The following CARTPT variants were observed in gnomAD, a reference collection of about 807,000 sequenced individuals.
CARTPT encodes the protein CART prepropeptide, also known as cocaine- and amphetamine-regulated transcript protein.
In CARTPT, 6 loss-of-function variants were observed where a neutral mutation model predicts 12.2. That is an observed-to-expected ratio of 0.49 (90% confidence interval 0.27 to 0.97). CARTPT has a LOEUF of 0.97. Among genes scored for constraint, CARTPT ranks in the 50% least tolerant of loss-of-function variants. The probability of loss-of-function intolerance (pLI) is 0.12; values close to 1 mark genes in which losing one functional copy is unlikely to be tolerated. For missense variants in CARTPT, 135 were observed against 142.0 expected, an observed-to-expected ratio of 0.95 and a Z score of 0.25; for synonymous variants, 75 against 64.1, an observed-to-expected ratio of 1.17 and a Z score of -0.82.
At chr5:71,719,716 G>C (rs1748667887) in intron 1 of CARTPT, 164 bp from the exon 2 acceptor site, 2 of 787,866 alleles carry the variant, frequency 2.5e-6, no homozygotes, top group Non-Finnish European at 4.3e-6. Context: ...ACCTGGGACA[G>C]CGTCCGCTAA....
chr5:71,719,563 G>T, intron 1 of CARTPT, 111 bp downstream of exon 1: 1 of 1,365,552 alleles, frequency 7.3e-7, no homozygotes, highest in Non-Finnish European at 1.0e-6. Context: ...AGGGCGCGGG[G>T]AGCTGAGCGC....
chr5:71,719,819 G>T (rs1580358666), intron 1 of CARTPT, 61 bp from the exon 2 acceptor site: 1 of 1,497,466 alleles, frequency 6.7e-7, no homozygotes, highest in East Asian at 2.3e-5. Context: ...CTGGAAGTGC[G>T]CACCTGGGCT....
chr5:71,720,468 G>T (rs1200309351), intron 2 of CARTPT, 40 bp from the exon 3 acceptor site: 2 of 1,566,954 alleles, frequency 1.3e-6, no homozygotes, highest in African/African-American at 1.3e-5. Context: ...GGGAACCTGG[G>T]TTTGTTCATA....
intron 1 of CARTPT, 59 bp downstream of exon 1, chr5:71,719,511 C>G: frequency 1.3e-6 from 2 of 1,588,262 alleles, no homozygotes; most frequent in Non-Finnish European, 1.7e-6. Flanking sequence ...TTCTCTTGCA[C>G]GCCTCCCTCC....
At chr5:71,720,440 C>A in intron 2 of CARTPT, 68 bp from the exon 3 acceptor site, 1 of 1,397,298 alleles carries the variant, frequency 7.2e-7, no homozygotes, top group Non-Finnish European at 1.0e-6. Flanking sequence ...ATTGCGTTGA[C>A]TGTGAGACTT....
rs1277852936 is a variant in CARTPT, at chr5:71,719,407, G to A, written c.114G>A (p.Leu38=). Residue 38 remains leucine (L), a synonymous_variant, in exon 1 of 3, where the codon CTG becomes CTA. Coordinates refer to ENST00000296777, the MANE Select transcript of CARTPT (RefSeq NM_004291.4). ...ACGCCGAGCTCCAGCCCCGAGCCCT[G>A]GACATCTACTCTGCCGTGGATGATG... The part of the protein sequence containing the change: ...QEDAELQPRA[L]DIYSAVDDAS... 5.6e-6 allele frequency: 9 copies of A among 1,614,146 alleles called. No homozygotes were observed. In the South Asian group the frequency reaches 8.8e-5, roughly 16 times the overall value.
At chr5:71,720,299 A>G (rs1461750546) in intron 2 of CARTPT, among the ~76,000 whole-genome samples, 1 of 152,164 alleles carries the variant, frequency 6.6e-6, no homozygotes, top group East Asian at 1.9e-4. Context: ...GATAAAACTA[A>G]TAATGTAAGT....
At chr5:71,720,402 G>T in intron 2 of CARTPT, 106 bp from the exon 3 acceptor site, 2 of 915,092 alleles carry the variant, frequency 2.2e-6, no homozygotes, top group Non-Finnish European at 3.5e-6. Flanking sequence ...TGGTGATGGG[G>T]TCCAATTGCC....
In CARTPT at chr5:71,720,036, C is replaced by T. The variant is rs972322934; in HGVS notation, c.243+73C>T. 3 of 1,307,734 alleles carry T rather than the reference C, an allele frequency of 2.3e-6. No individual in the cohort carries two copies. In the East Asian group the frequency reaches 6.9e-5, roughly 30 times the overall value. The allele number at this position is 1,307,734 out of a possible 1,614,324, so 81.0% of individuals were successfully genotyped here. On this transcript the variant is annotated intron_variant, in intron 2 of 2. Transcript: ENST00000296777. ...CACCGCCTTGAATCGTACACACAGT[C>T]TTCTCCGTAGGATGTGGCTAAATAA...
At chr5:71,719,819 G>A in intron 1 of CARTPT, 61 bp from the exon 2 acceptor site, 2 of 1,497,464 alleles carry the variant, frequency 1.3e-6, no homozygotes, top group Non-Finnish European at 1.9e-6. Flanking sequence ...CTGGAAGTGC[G>A]CACCTGGGCT....
At position 71,719,527 on chromosome 5, in the gene CARTPT, C is replaced by A. The variant is rs1008801965; in HGVS notation, c.159+75C>A. Reference sequence around the variant, plus strand: ...TCTCTTGCACGCCTCCCTCCTCCCCCCACCCCCACTCCTATTCCCAGAGTC... The same window carrying A: ...TCTCTTGCACGCCTCCCTCCTCCCCACACCCCCACTCCTATTCCCAGAGTC... On this transcript the variant is annotated intron_variant, in intron 1 of 2. Coordinates refer to ENST00000296777, the MANE Select transcript of CARTPT (RefSeq NM_004291.4). 3.9e-6 allele frequency: 6 copies of A among 1,544,476 alleles called. No individual in the cohort carries two copies. In the African/African-American group the frequency reaches 4.1e-5, roughly 11 times the overall value.
chr5:71,719,835 C>G (rs768574675), intron 1 of CARTPT, 45 bp from the exon 2 acceptor site: 2 of 1,591,028 alleles, frequency 1.3e-6, no homozygotes, highest in Non-Finnish European at 1.7e-6. Flanking sequence ...GGGCTGGGCT[C>G]GCAGCCAAGG....
At position 71,719,560 on chromosome 5, in the gene CARTPT, G is replaced by A. The variant is rs957169758; in HGVS notation, c.159+108G>A. 2.0e-5 allele frequency: 28 copies of A among 1,386,088 alleles called. No homozygotes were observed. In the East Asian group the frequency reaches 3.6e-4, roughly 18 times the overall value. 85.9% of individuals were successfully genotyped at this position (1,386,088 alleles called of 1,614,324 possible). ...ACTCCTATTCCCAGAGTCAGGGCGC[G>A]GGGAGCTGAGCGCAACGCCCAGGCA... On this transcript the variant is annotated intron_variant, in intron 1 of 2. Transcript: ENST00000296777.
chr5:71,720,029 A>G (rs1337449487), intron 2 of CARTPT, 66 bp downstream of exon 2: 2 of 1,357,370 alleles, frequency 1.5e-6, no homozygotes, highest in Non-Finnish European at 2.1e-6. Flanking sequence ...TGAATCGTAC[A>G]CACAGTCTTC....
intron 1 of CARTPT, 25 bp from the exon 2 acceptor site, chr5:71,719,855 C>G: frequency 6.2e-7 from 1 of 1,612,912 alleles, no homozygotes; most frequent in Middle Eastern, 1.7e-4. Flanking sequence ...GCGGCAACTT[C>G]AGGCTCCGAA....
At position 71,720,629 on chromosome 5, in the gene CARTPT, C is replaced by T. The variant is rs372953353; in HGVS notation, c.*14C>T. 2 of 1,572,378 alleles carry T rather than the reference C, an allele frequency of 1.3e-6. No individual in the cohort carries two copies. The highest frequency in any genetic ancestry group is 1.8e-5 in the Admixed American group (1 of 56,522). ...AAGTGCTTATGAAGGGGCGTCCATTCTCCTCCATACATCCCCATCCCTCTA... is the reference window on the plus strand; with the variant it reads ...AAGTGCTTATGAAGGGGCGTCCATTTTCCTCCATACATCCCCATCCCTCTA... On this transcript the variant is annotated 3_prime_UTR_variant, in exon 3 of 3. Coordinates refer to ENST00000296777, the MANE Select transcript of CARTPT (RefSeq NM_004291.4).
Position 71,719,389 on chromosome 5 carries a change from G to A in CARTPT, c.96G>A (p.Glu32=). The change falls in exon 1 of 3, where the codon GAG becomes GAA. Residue 32 remains glutamate, a synonymous_variant. Transcript: ENST00000296777. ...GTACCCGTGCCCAGGAGGACGCCGA[G>A]CTCCAGCCCCGAGCCCTGGACATCT... The part of the protein sequence containing the change: ...LLGTRAQEDA[E]LQPRALDIYS... 6.2e-7 allele frequency: 1 copy of A among 1,614,142 alleles called. No individual in the cohort carries two copies. Among genetic ancestry groups the A allele is most frequent in the Non-Finnish European group, 8.5e-7 (1 of 1,180,024 alleles).
chr5:71,719,977 T>C lies in CARTPT; in HGVS notation c.243+14T>C. On this transcript the variant is annotated intron_variant, in intron 2 of 2. Transcript: ENST00000296777. ...CAAGTCCCCATGGTAAGGTTTGTGG[T>C]CACTCCCTTCCCGTGTTTTTCCAAG... The C allele has an allele frequency of 6.2e-7, 1 of 1,607,652 alleles. No homozygotes were observed. The highest frequency in any genetic ancestry group is 8.5e-7 in the Non-Finnish European group (1 of 1,174,108).
At chr5:71,719,534 C>G (rs1212275766) in intron 1 of CARTPT, 82 bp downstream of exon 1, 2 of 1,523,582 alleles carry the variant, frequency 1.3e-6, no homozygotes, top group African/African-American at 1.4e-5. Context: ...CCCCCACCCC[C>G]ACTCCTATTC....
Sources: allele counts gnomAD v4.1 joint callset (sites outside exome capture counted in the v4.1 genomes callset), GRCh38; gene constraint gnomAD v4.1.1; transcripts MANE v1.5; gene names NCBI Gene and HGNC (gene_info 2026-07-23, HGNC 2026-07-21).